Variants in APP observed in about 807,000 individuals in gnomAD.
The protein encoded by APP is amyloid beta precursor protein.
A neutral mutation model predicts 101.4 loss-of-function variants in APP; 31 were observed. The ratio of observed to expected loss-of-function variants is 0.31; its 90% CI spans 0.23 to 0.41. The LOEUF is 0.41. Among genes scored for constraint, APP ranks in the 10% least tolerant of loss-of-function variants. The pLI, the probability that APP is intolerant of heterozygous loss-of-function variation, is 1.00. For synonymous variants in APP, 366 were observed against 364.4 expected, an observed-to-expected ratio of 1.00 and a Z score of -0.05; for missense variants, 839 against 1,003.7, an observed-to-expected ratio of 0.84 and a Z score of 2.22.
chr21:26,074,704 T>C (rs2061471114), intron 3 of APP, among the ~76,000 whole-genome samples: 1 of 151,844 alleles, frequency 6.6e-6, no homozygotes, highest in Non-Finnish European at 1.5e-5. Context: ...TGAGCAGAGA[T>C]TGCGTCACTG....
intron 5 of APP, among the ~76,000 whole-genome samples, chr21:26,026,895 C>A (rs139166626): frequency 6.6e-6 from 1 of 152,118 alleles, no homozygotes. Context: ...TGTAACAAAT[C>A]GCTCTAAGGG....
chr21:26,108,749 T>C (rs2062242298), intron 2 of APP, among the ~76,000 whole-genome samples: 1 of 151,972 alleles, frequency 6.6e-6, no homozygotes, highest in South Asian at 2.1e-4. Context: ...CCCGGCGTGG[T>C]GGCAGGCGCC....
intron 3 of APP, among the ~76,000 whole-genome samples, chr21:26,059,309 C>T (rs2046172378): frequency 6.6e-6 from 1 of 152,168 alleles, no homozygotes; most frequent in African/African-American, 2.4e-5. Flanking sequence ...CCAAAAATGC[C>T]TGAGGTCTTT....
chr21:25,883,891 C>A (rs992875404), intron 17 of APP, among the ~76,000 whole-genome samples: 2 of 152,066 alleles, frequency 1.3e-5, no homozygotes, highest in African/African-American at 2.4e-5. Flanking sequence ...ATGTTCCATC[C>A]ATTATGTGCC....
chr21:26,059,391 A>G (rs1468504911), intron 3 of APP, among the ~76,000 whole-genome samples: 2 of 152,122 alleles, frequency 1.3e-5, no homozygotes, highest in Admixed American at 1.3e-4. Flanking sequence ...AAAGTGGGGG[A>G]AATGTTCTGG....
chr21:26,158,822 T>G (rs140231876), intron 1 of APP, among the ~76,000 whole-genome samples: 32 of 152,330 alleles, frequency 2.1e-4, no homozygotes, highest in African/African-American at 7.5e-4. Context: ...TAGTTCAAAT[T>G]CTGCCTGCCT....
intron 1 of APP, among the ~76,000 whole-genome samples, chr21:26,137,510 T>A (rs1357756731): frequency 6.6e-6 from 1 of 152,150 alleles, no homozygotes; most frequent in Non-Finnish European, 1.5e-5. Flanking sequence ...ACAAGTGGGT[T>A]GGGAGTGGAT....
chr21:25,974,880 T>A (rs1683892329), intron 11 of APP, among the ~76,000 whole-genome samples, 190 bp downstream of exon 11: 1 of 152,186 alleles, frequency 6.6e-6, no homozygotes, highest in African/African-American at 2.4e-5. Flanking sequence ...TGTGTAGAGA[T>A]GACCTTGTGG....
intron 17 of APP, 34 bp downstream of exon 17, chr21:25,891,688 T>C (rs1173235104): frequency 6.2e-7 from 1 of 1,610,144 alleles, no homozygotes; most frequent in South Asian, 1.1e-5. Flanking sequence ...TAGTCTTAAT[T>C]CCCACTTGGA....
chr21:25,976,318 G>T (rs2042222142), intron 9 of APP, among the ~76,000 whole-genome samples: 1 of 151,980 alleles, frequency 6.6e-6, no homozygotes, highest in South Asian at 2.1e-4. Flanking sequence ...TTGATTTGAT[G>T]TGAACAAATA....
At chr21:25,916,007 GA>G (rs1189112200) in intron 13 of APP, among the ~76,000 whole-genome samples, 1 of 151,150 alleles carries the variant, frequency 6.6e-6, no homozygotes, top group African/African-American at 2.4e-5. Flanking sequence ...AAAATAGGAA[GA>G]AATCCACATT....
At position 25,890,670 on chromosome 21, in the gene APP, C is replaced by A. The variant is rs575173791; in HGVS notation, c.2211+1052G>T. ...AAGAGAATTGCTTGAACCCAGGAGG[C>A]AGAGGTTGCAGTGAGCCAAGATCCA... is the stretch of plus-strand genomic sequence containing the variant. On this transcript the variant is annotated intron_variant, in intron 17 of 17. Transcript: ENST00000346798. Among the ~76,000 whole-genome samples the A allele has an allele frequency of 1.8e-4, 24 of 134,880 alleles. 1 individual carries two copies. In the South Asian group the frequency reaches 5.6e-3, roughly 31 times the overall value. 88.5% of individuals were successfully genotyped at this position (134,880 alleles called of 152,430 possible). A position where few individuals can be genotyped will look rare whatever the true frequency, so the allele number is the denominator to read the frequency against.
intron 6 of APP, among the ~76,000 whole-genome samples, chr21:26,014,235 C>A (rs1445825906): frequency 6.6e-6 from 1 of 152,152 alleles, no homozygotes; most frequent in Admixed American, 6.6e-5. Flanking sequence ...TCACAGTTTA[C>A]CCCAAGCTTT....
At chr21:26,121,393 T>C (rs1392931768) in intron 1 of APP, among the ~76,000 whole-genome samples, 1 of 150,122 alleles carries the variant, frequency 6.7e-6, no homozygotes, top group Non-Finnish European at 1.5e-5. Flanking sequence ...CAGATCCTCA[T>C]CTTTTTTTTT....
At chr21:26,166,548 T>C (rs113628391) in intron 1 of APP, among the ~76,000 whole-genome samples, 5,366 of 152,116 alleles carry the variant, frequency 0.035, 133 homozygotes, top group Admixed American at 0.064. Context: ...TTTTACAGAA[T>C]AGTGTTGCCT....
At chr21:25,967,172 G>T (rs1486440011) in intron 11 of APP, among the ~76,000 whole-genome samples, 1 of 152,152 alleles carries the variant, frequency 6.6e-6, no homozygotes, top group African/African-American at 2.4e-5. Context: ...AGAAACCAAA[G>T]AAGGATGCCG....
intron 8 of APP, among the ~76,000 whole-genome samples, chr21:25,994,724 G>A (rs1009097757): frequency 2.6e-5 from 4 of 152,110 alleles, no homozygotes; most frequent in African/African-American, 7.2e-5. Flanking sequence ...AGTCCAAGTT[G>A]CCCAGTCTAA....
chr21:25,890,398 T>C (rs1319697720), intron 17 of APP, among the ~76,000 whole-genome samples: 1 of 152,198 alleles, frequency 6.6e-6, no homozygotes, highest in African/African-American at 2.4e-5. Context: ...TCCTTGGGGA[T>C]AGTGGAATCT....
chr21:26,159,886 CA>C (rs1008849136), intron 1 of APP, among the ~76,000 whole-genome samples: 11 of 152,274 alleles, frequency 7.2e-5, no homozygotes, highest in African/African-American at 2.4e-4. Context: ...GTCTAGCTCA[CA>C]AAAGTGAAGT....
Sources: gnomAD v4.1 joint callset for allele counts (sites outside exome capture counted in the v4.1 genomes callset) on GRCh38, gnomAD v4.1.1 for gene constraint, MANE v1.5 for transcripts, NCBI Gene and HGNC (gene_info 2026-07-23, HGNC 2026-07-21) for gene names.